The following RNF216 variants were observed in gnomAD, a reference collection of about 807,000 sequenced individuals.
RNF216 encodes the protein E3 ubiquitin-protein ligase RNF216.
Under a neutral mutation model 110.8 loss-of-function variants are expected in RNF216, and 72 were observed. That is an observed-to-expected ratio of 0.65 (90% CI 0.54 to 0.79). The LOEUF (loss-of-function observed/expected upper bound fraction) is 0.79. Among genes scored for constraint, RNF216 ranks in the 30% least tolerant of loss-of-function variants. The pLI, the probability that RNF216 is intolerant of heterozygous loss-of-function variation, is 0.00. For missense variants in RNF216, 1,342 were observed against 1,141.2 expected (o/e 1.18, Z -2.54); for synonymous variants, 495 against 407.5 (o/e 1.21, Z -2.59).
intron 5 of RNF216, 72 bp downstream of exon 5, chr7:5,739,204 T>C (rs1794612816): frequency 1.4e-6 from 2 of 1,418,560 alleles, no homozygotes; most frequent in Non-Finnish European, 1.9e-6. Context: ...ATGATTAAAA[T>C]GGTAAATTTT....
intron 4 of RNF216, among the ~76,000 whole-genome samples, chr7:5,740,287 CG>C (rs1794683806): frequency 6.6e-6 from 1 of 151,684 alleles, no homozygotes; most frequent in Non-Finnish European, 1.5e-5. Flanking sequence ...CCACCACGCC[CG>C]GCTAATTTTT....
At chr7:5,707,688 T>TA (rs57984156) in intron 13 of RNF216, among the ~76,000 whole-genome samples, 8,000 of 148,672 alleles carry the variant, frequency 0.054, 340 homozygotes, top group African/African-American at 0.1. Context: ...CTGATCTTAG[T>TA]AAAAAAAAGC....
chr7:5,713,938 T>C (rs1380432924), intron 11 of RNF216, among the ~76,000 whole-genome samples: 2 of 152,212 alleles, frequency 1.3e-5, no homozygotes, highest in Non-Finnish European at 2.9e-5. Context: ...GTATGGCTGA[T>C]GGGGGCATGG....
intron 9 of RNF216, among the ~76,000 whole-genome samples, chr7:5,719,416 T>C (rs1473979940): frequency 6.6e-6 from 1 of 152,080 alleles, no homozygotes; most frequent in African/African-American, 2.4e-5. Flanking sequence ...CTTTGGAAAA[T>C]TGTTGAGTCC....
At chr7:5,642,144 T>A (rs1787773606) in intron 14 of RNF216, among the ~76,000 whole-genome samples, 1 of 151,350 alleles carries the variant, frequency 6.6e-6, no homozygotes, top group African/African-American at 2.4e-5. Flanking sequence ...CTGTAGTACA[T>A]CCGTTTATGA....
chr7:5,728,076 A>C (rs1269047786), intron 7 of RNF216, among the ~76,000 whole-genome samples: 1 of 152,100 alleles, frequency 6.6e-6, no homozygotes, highest in Non-Finnish European at 1.5e-5. Flanking sequence ...TCCCAGACTG[A>C]ATTCGTGATT....
At chr7:5,771,311 A>G (rs1180894767) in intron 1 of RNF216, among the ~76,000 whole-genome samples, 1 of 152,216 alleles carries the variant, frequency 6.6e-6, no homozygotes, top group African/African-American at 2.4e-5. Context: ...TTTCTAGAAG[A>G]TAACACAAAA....
rs567608335 is a variant in RNF216 at position 5,776,566 on chromosome 7, G to C, written c.-70+4975C>G. Among the ~76,000 whole-genome samples, 642 of 135,066 alleles carry C rather than the reference G, an allele frequency of 4.8e-3. 3 individuals are homozygous for C. The highest frequency in any genetic ancestry group is 0.016 in the African/African-American group (571 of 35,694). 88.6% of individuals were successfully genotyped at this position (135,066 alleles called of 152,430 possible). A position where few individuals can be genotyped will look rare whatever the true frequency, so the allele number is the denominator to read the frequency against. ...GCTAAGATCGGGCCACTGCACTCTA[G>C]CCTGGGCGACAGAGCAAGACTCCGT... On this transcript the variant is annotated intron_variant, in intron 1 of 16. Transcript: ENST00000389902.
rs563857948 is a variant in RNF216, at chr7:5,637,848, G to C, written c.2382+3306C>G. 3.9e-5 allele frequency among the ~76,000 whole-genome samples: 6 copies of C among 152,280 alleles called. No homozygotes were observed. In the East Asian group the frequency reaches 1.2e-3, roughly 29 times the overall value. On this transcript the variant is annotated intron_variant, in intron 15 of 16. Coordinates refer to ENST00000389902, the MANE Select transcript of RNF216 (RefSeq NM_207111.4). ...GAGCCACTGCACCAGGCCAAATTACGCATTTCTTTTTCTTTAAGATCAAGT... is the reference window on the plus strand; with the variant it reads ...GAGCCACTGCACCAGGCCAAATTACCCATTTCTTTTTCTTTAAGATCAAGT...
chr7:5,740,106 T>A (rs1459317863), intron 4 of RNF216, among the ~76,000 whole-genome samples: 1 of 542 alleles, frequency 1.8e-3, no homozygotes, highest in Non-Finnish European at 8.8e-3. Context: ...TGTAACACCT[T>A]TTTTTTTTTT....
At chr7:5,644,511 A>G (rs374369090) in intron 14 of RNF216, among the ~76,000 whole-genome samples, 40 of 145,026 alleles carry the variant, frequency 2.8e-4, no homozygotes, top group African/African-American at 8.9e-4. Context: ...TTGTTTGCCC[A>G]TTTTTTTTTT....
chr7:5,741,605 C>G lies in RNF216; in HGVS notation c.412G>C (p.Gly138Arg), dbSNP rs145494388. Residue 138 changes from glycine (G) to arginine (R), a missense_variant, in exon 4 of 17, where the codon GGG (glycine) becomes CGG (arginine). By Grantham distance (125) the Gly-to-Arg change is moderately radical. Coordinates refer to ENST00000389902, the MANE Select transcript of RNF216 (RefSeq NM_207111.4). ...EDDYGEFLDL[G>R]PPGISEFTKP... ...GTGAATTCAGAGATTCCAGGAGGCC[C>G]AAGATCCAGAAATTCACCGTAGTCA... 1 of 1,614,012 alleles carries G rather than the reference C, an allele frequency of 6.2e-7. No individual in the cohort carries two copies. The highest frequency in any genetic ancestry group is 1.3e-5 in the African/African-American group (1 of 74,906).
At chr7:5,635,276 C>T (rs1345693010) in intron 15 of RNF216, among the ~76,000 whole-genome samples, 1 of 151,688 alleles carries the variant, frequency 6.6e-6, no homozygotes, top group African/African-American at 2.4e-5. Flanking sequence ...ATCACACCCA[C>T]CCCACTAACT....
At chr7:5,742,116 G>A (rs1043986797) in intron 3 of RNF216, among the ~76,000 whole-genome samples, 4 of 151,746 alleles carry the variant, frequency 2.6e-5, no homozygotes, top group African/African-American at 7.3e-5. Flanking sequence ...GTGCGATCTC[G>A]GCTCACTGCA....
At chr7:5,626,312 G>A (rs1786698932) in intron 15 of RNF216, among the ~76,000 whole-genome samples, 1 of 151,852 alleles carries the variant, frequency 6.6e-6, no homozygotes, top group African/African-American at 2.4e-5. Context: ...CAGTTTGAAG[G>A]CCTCCATGTG....
chr7:5,643,992 G>A (rs773128891), intron 14 of RNF216, among the ~76,000 whole-genome samples: 4 of 152,112 alleles, frequency 2.6e-5, no homozygotes, highest in Non-Finnish European at 4.4e-5. Flanking sequence ...TGTTTTCTAG[G>A]TTCACCTATG....
At chr7:5,737,345 C>T (rs1215827133) in intron 5 of RNF216, among the ~76,000 whole-genome samples, 1 of 152,034 alleles carries the variant, frequency 6.6e-6, no homozygotes, top group South Asian at 2.1e-4. Flanking sequence ...AGAGTCATCA[C>T]CACTCCCTAA....
intron 13 of RNF216, among the ~76,000 whole-genome samples, chr7:5,683,060 TAAAAAAC>T (rs996032168): frequency 3.3e-5 from 5 of 151,864 alleles, no homozygotes; most frequent in African/African-American, 9.7e-5. Context: ...CATGCTAAGT[TAAAAAAC>T]AAAAAACAAA....
intron 13 of RNF216, among the ~76,000 whole-genome samples, chr7:5,672,495 G>A (rs1352862592): frequency 1.3e-5 from 2 of 152,148 alleles, no homozygotes; most frequent in Non-Finnish European, 1.5e-5. Context: ...AAGACAATTC[G>A]GAGTTTAACC....
Sources: gnomAD v4.1 joint callset for allele counts (sites outside exome capture counted in the v4.1 genomes callset) on GRCh38, gnomAD v4.1.1 for gene constraint, MANE v1.5 for transcripts, NCBI Gene and HGNC (gene_info 2026-07-23, HGNC 2026-07-21) for gene names.